CKAP5: variants seen among roughly 807,000 people sequenced by gnomAD.
CKAP5 encodes the protein cytoskeleton-associated protein 5.
Under a neutral mutation model 232.8 loss-of-function variants are expected in CKAP5, and 27 were observed. The observed-to-expected ratio is 0.12, with a 90% CI of 0.09 to 0.16. The LOEUF (loss-of-function observed/expected upper bound fraction) is 0.16, where lower values mean the gene tolerates loss of function less well. CKAP5 is among the 10% of genes least tolerant of loss of function. The pLI is 1.00. For missense variants in CKAP5, 1,838 were observed against 2,424.7 expected (o/e 0.76, Z 5.08); for synonymous variants, 785 against 841.1 (o/e 0.93, Z 1.16).
intron 13 of CKAP5, among the ~76,000 whole-genome samples, chr11:46,791,319 G>A (rs927766117): frequency 2.0e-5 from 3 of 150,468 alleles, no homozygotes; most frequent in Admixed American, 6.6e-5. Context: ...GCCTGATCAC[G>A]GCTCACTATA....
At chr11:46,767,743 G>T in intron 26 of CKAP5, 80 bp from the exon 27 acceptor site, 1 of 840,232 alleles carries the variant, frequency 1.2e-6, no homozygotes, top group Non-Finnish European at 1.8e-6. Context: ...ATATAATGAT[G>T]ACAAGGAAGC....
rs956300234 is a variant in CKAP5, at chr11:46,768,343, A to C, written c.3323-680T>G. 9.4e-5 allele frequency among the ~76,000 whole-genome samples: 14 copies of C among 149,660 alleles called. No individual in the cohort carries two copies. In the East Asian group the frequency reaches 2.4e-3, roughly 25 times the overall value. On this transcript the variant is annotated intron_variant, in intron 26 of 43. Coordinates refer to ENST00000529230, the MANE Select transcript of CKAP5 (RefSeq NM_001008938.4). ...ATAGCTGGGACTACAGGCGTGCACC[A>C]CCAAGCCCAACTAATTAAAACAACT...
intron 1 of CKAP5, among the ~76,000 whole-genome samples, chr11:46,824,019 C>T (rs1238671916): frequency 6.6e-6 from 1 of 152,166 alleles, no homozygotes; most frequent in Non-Finnish European, 1.5e-5. Context: ...TCACTTTATA[C>T]TGACATCAAC....
intron 4 of CKAP5, 101 bp downstream of exon 4, chr11:46,816,097 C>T (rs1189399389): frequency 2.1e-6 from 2 of 939,540 alleles, no homozygotes; most frequent in South Asian, 1.5e-5. Context: ...CCCCAACACA[C>T]AATTCTTCCA....
intron 28 of CKAP5, among the ~76,000 whole-genome samples, chr11:46,763,867 T>G (rs1318585592): frequency 1.3e-5 from 2 of 152,232 alleles, no homozygotes; most frequent in Non-Finnish European, 2.9e-5. Flanking sequence ...GAGTCTCACC[T>G]GTTGCCTGGG....
chr11:46,804,299 T>C (rs570778148), intron 8 of CKAP5, among the ~76,000 whole-genome samples: 1 of 152,340 alleles, frequency 6.6e-6, no homozygotes, highest in South Asian at 2.1e-4. Context: ...TTGACACTCA[T>C]TGTTTATTCC....
Position 46,829,437 on chromosome 11 carries a change from C to T in CKAP5, c.-37-8169G>A, listed in dbSNP as rs534089868. Reference sequence around the variant, plus strand: ...CACATGCCTGTTAGTCCCAGCTACTCGGGAGGCTAAGGTAGAAGGATTGCC... The same window carrying T: ...CACATGCCTGTTAGTCCCAGCTACTTGGGAGGCTAAGGTAGAAGGATTGCC... On this transcript the variant is annotated intron_variant, in intron 1 of 43. Coordinates refer to ENST00000529230, the MANE Select transcript of CKAP5 (RefSeq NM_001008938.4). 2.0e-4 allele frequency among the ~76,000 whole-genome samples: 30 copies of T among 152,256 alleles called. No homozygotes were observed. In the East Asian group the frequency reaches 2.7e-3, roughly 14 times the overall value.
intron 15 of CKAP5, among the ~76,000 whole-genome samples, chr11:46,789,303 C>T (rs1010048134): frequency 3.3e-5 from 5 of 152,160 alleles, no homozygotes; most frequent in Non-Finnish European, 2.9e-5. Flanking sequence ...TAGAATCACC[C>T]GGTATATGCC....
chr11:46,833,860 A>T (rs1565758919), intron 1 of CKAP5, among the ~76,000 whole-genome samples: 1 of 151,332 alleles, frequency 6.6e-6, no homozygotes, highest in Non-Finnish European at 1.5e-5. Flanking sequence ...TTATTATTAT[A>T]TTATTATTAT....
chr11:46,820,451 T>C (rs1330928297), intron 2 of CKAP5, among the ~76,000 whole-genome samples: 1 of 152,170 alleles, frequency 6.6e-6, no homozygotes, highest in Non-Finnish European at 1.5e-5. Context: ...GTATTTTTAG[T>C]AATCAACAAC....
chr11:46,744,608 G>A, intron 42 of CKAP5, 31 bp from the exon 43 acceptor site: 2 of 1,601,212 alleles, frequency 1.2e-6, no homozygotes, highest in African/African-American at 1.3e-5. Context: ...AGAATATTCA[G>A]ATATCCACAT....
chr11:46,837,359 G>C (rs1366747514), intron 1 of CKAP5, among the ~76,000 whole-genome samples: 1 of 152,058 alleles, frequency 6.6e-6, no homozygotes, highest in African/African-American at 2.4e-5. Flanking sequence ...AGTGATCTAT[G>C]GAACTCGTTT....
chr11:46,766,594 G>A (rs1444162084), intron 27 of CKAP5, among the ~76,000 whole-genome samples: 7 of 152,060 alleles, frequency 4.6e-5, no homozygotes, highest in African/African-American at 4.8e-5. Context: ...TCAATTACAG[G>A]AAGTAAATTA....
intron 4 of CKAP5, 103 bp downstream of exon 4, chr11:46,816,095 C>A (rs1443024518): frequency 2.2e-6 from 2 of 918,764 alleles, no homozygotes; most frequent in Non-Finnish European, 3.4e-6. Flanking sequence ...CCCCCCAACA[C>A]ACAATTCTTC....
At chr11:46,765,087 C>A (rs1193683901) in intron 28 of CKAP5, 44 bp downstream of exon 28, 1 of 1,575,462 alleles carries the variant, frequency 6.3e-7, no homozygotes, top group Non-Finnish European at 8.6e-7. Flanking sequence ...TCTTGAATAA[C>A]AATACAAGCA....
intron 35 of CKAP5, among the ~76,000 whole-genome samples, chr11:46,757,737 G>A (rs571485864): frequency 6.6e-6 from 1 of 151,468 alleles, no homozygotes; most frequent in East Asian, 2.0e-4. Flanking sequence ...ATAGGCGTGC[G>A]CCACCATGCC....
At chr11:46,752,482 TTATTAA>T (rs1057292115) in intron 38 of CKAP5, among the ~76,000 whole-genome samples, 147 bp downstream of exon 38, 62 of 151,850 alleles carry the variant, frequency 4.1e-4, no homozygotes, top group African/African-American at 1.5e-3. Context: ...TTTTAAAAAT[TTATTAA>T]TATTTTTATT....
At chr11:46,815,943 T>G (rs1020704563) in intron 4 of CKAP5, among the ~76,000 whole-genome samples, 19 of 152,200 alleles carry the variant, frequency 1.2e-4, no homozygotes, top group Non-Finnish European at 2.9e-5. Context: ...AATTACCCCC[T>G]GAGCTCTGCC....
At chr11:46,817,673 CT>C (rs937384940) in intron 3 of CKAP5, among the ~76,000 whole-genome samples, 10 of 148,216 alleles carry the variant, frequency 6.7e-5, no homozygotes, top group East Asian at 3.9e-4. Flanking sequence ...AGTGTTTCAA[CT>C]TTTTTTTTTG....
Sources: gnomAD v4.1 joint callset for allele counts (sites outside exome capture counted in the v4.1 genomes callset) on GRCh38, gnomAD v4.1.1 for gene constraint, MANE v1.5 for transcripts, NCBI Gene and HGNC (gene_info 2026-07-23, HGNC 2026-07-21) for gene names.